SLC25A48: variants seen among roughly 807,000 people sequenced by gnomAD.
SLC25A48 encodes CTC-321K16.1.
In SLC25A48, 29 loss-of-function variants were observed where a neutral mutation model predicts 32.2. That is an observed-to-expected ratio of 0.90 (90% CI 0.67 to 1.23). The LOEUF is 1.23. SLC25A48 is among the 50% of genes most tolerant of loss of function. The probability of loss-of-function intolerance (pLI) is 0.00; values close to 1 mark genes in which losing one functional copy is unlikely to be tolerated. For synonymous variants in SLC25A48, 164 were observed against 172.3 expected (o/e 0.95, Z 0.38); for missense variants, 399 against 422.7 (o/e 0.94, Z 0.49).
At chr5:135,653,149 A>G (rs1753157619) in intron 3 of SLC25A48, among the ~76,000 whole-genome samples, 2 of 152,182 alleles carry the variant, frequency 1.3e-5, no homozygotes, top group South Asian at 4.1e-4. Context: ...AGCCTCTAGA[A>G]CTGTGAGAAA....
chr5:135,589,488 C>T (rs1400806299), intron 1 of SLC25A48, among the ~76,000 whole-genome samples: 2 of 152,144 alleles, frequency 1.3e-5, no homozygotes, highest in South Asian at 2.1e-4. Context: ...GCTGAAGGGC[C>T]AAGGCCCTGA....
intron 3 of SLC25A48, among the ~76,000 whole-genome samples, chr5:135,746,051 C>T (rs947347211): frequency 6.6e-6 from 1 of 152,156 alleles, no homozygotes; most frequent in Non-Finnish European, 1.5e-5. Context: ...TACAGTCCTC[C>T]TCCCTGTCAC....
At chr5:135,836,359 T>C (rs1442890071) in intron 1 of SLC25A48, among the ~76,000 whole-genome samples, 1 of 11,664 alleles carries the variant, frequency 8.6e-5, no homozygotes, top group Non-Finnish European at 4.4e-4. Flanking sequence ...ATAACATGGC[T>C]TTTTTTTTTT....
intron 4 of SLC25A48, among the ~76,000 whole-genome samples, chr5:135,820,768 G>C (rs1293332696): frequency 1.3e-5 from 2 of 152,148 alleles, no homozygotes; most frequent in Non-Finnish European, 2.9e-5. Flanking sequence ...AAAATAAGAG[G>C]CTTATCTATT....
At chr5:135,703,080 T>C (rs761274181) in intron 3 of SLC25A48, among the ~76,000 whole-genome samples, 1 of 152,198 alleles carries the variant, frequency 6.6e-6, no homozygotes, top group South Asian at 2.1e-4. Flanking sequence ...TGCCATTCAC[T>C]GTGAGCAGTG....
At chr5:135,875,579 T>C (rs1220350114) in intron 6 of SLC25A48, 1 of 152,248 alleles carries the variant, frequency 6.6e-6, no homozygotes, top group East Asian at 1.9e-4. Context: ...TCCGATTTGA[T>C]GAAGGCTTCT....
chr5:135,864,822 T>G (rs1453026437), intron 4 of SLC25A48, among the ~76,000 whole-genome samples: 1 of 152,246 alleles, frequency 6.6e-6, no homozygotes, highest in Non-Finnish European at 1.5e-5. Context: ...TTAAAGCAAT[T>G]GACAACAGCA....
upstream of SLC25A48, among the ~76,000 whole-genome samples, chr5:135,834,249 C>G (rs1246964943): frequency 6.6e-6 from 1 of 152,164 alleles, no homozygotes; most frequent in Non-Finnish European, 1.5e-5. Flanking sequence ...GAGCTGGGCC[C>G]CTAGAGAGCT....
chr5:135,797,184 C>T (rs1045611826), intron 3 of SLC25A48, among the ~76,000 whole-genome samples: 2 of 151,854 alleles, frequency 1.3e-5, no homozygotes, highest in African/African-American at 2.4e-5. Flanking sequence ...GATAATACTC[C>T]CAATATCGCA....
exon 4 of SLC25A48, chr5:135,812,645 A>G (rs958816130): frequency 3.9e-5 from 6 of 152,266 alleles, no homozygotes; most frequent in Admixed American, 6.5e-5. Flanking sequence ...CTTATCTGCG[A>G]TGTCTTTCTC....
At chr5:135,616,085 A>G (rs1461780796) in intron 1 of SLC25A48, among the ~76,000 whole-genome samples, 1 of 152,202 alleles carries the variant, frequency 6.6e-6, no homozygotes, top group East Asian at 1.9e-4. Flanking sequence ...CTGAAGATGT[A>G]TGGAAAAGCC....
At chr5:135,790,782 C>T (rs1161848221) in intron 3 of SLC25A48, among the ~76,000 whole-genome samples, 1 of 149,876 alleles carries the variant, frequency 6.7e-6, no homozygotes, top group African/African-American at 2.5e-5. Flanking sequence ...GTATGTACAC[C>T]CTGTGATATT....
chr5:135,758,463 T>G (rs908898470), intron 3 of SLC25A48, among the ~76,000 whole-genome samples: 13 of 150,938 alleles, frequency 8.6e-5, no homozygotes, highest in African/African-American at 3.1e-4. Flanking sequence ...GAATATGATC[T>G]CTATGATATC....
chr5:135,745,956 C>T (rs760518678), intron 3 of SLC25A48, among the ~76,000 whole-genome samples: 5 of 152,050 alleles, frequency 3.3e-5, no homozygotes, highest in South Asian at 2.1e-4. Flanking sequence ...ACTTCTGTCC[C>T]GGATCCTCTT....
chr5:135,642,269 A>G lies in SLC25A48; in HGVS notation c.-521+7313A>G, dbSNP rs1490462408. 3.3e-5 allele frequency among the ~76,000 whole-genome samples: 5 copies of G among 152,376 alleles called. No individual in the cohort carries two copies. In the East Asian group the frequency reaches 9.6e-4, roughly 29 times the overall value. On this transcript the variant is annotated intron_variant, in intron 3 of 10. Transcript: ENST00000646290. ...TCTGATGGTGCTGATTACTAGGGCC[A>G]GATGGCTGCTTTTAAGGCAAAGGTA... is the stretch of plus-strand genomic sequence containing the variant.
chr5:135,715,243 G>A (rs767417546), intron 3 of SLC25A48, among the ~76,000 whole-genome samples: 8 of 152,234 alleles, frequency 5.3e-5, no homozygotes, highest in African/African-American at 1.4e-4. Flanking sequence ...TGGGTTCCTT[G>A]TCTAGGCTGG....
At chr5:135,810,336 G>A (rs919636116) in intron 3 of SLC25A48, among the ~76,000 whole-genome samples, 17 of 152,262 alleles carry the variant, frequency 1.1e-4, no homozygotes, top group Middle Eastern at 3.4e-3. Flanking sequence ...CCTAATCTGT[G>A]GATTGTGAAA....
chr5:135,824,994 T>C lies in SLC25A48; in HGVS notation c.-117+12068T>C, dbSNP rs184410007. 7.6e-4 allele frequency: 115 copies of C among 152,306 alleles called. 1 individual carries two copies. The highest frequency in any genetic ancestry group is 3.4e-3 in the Middle Eastern group (1 of 294). The allele number at this position is 152,306 out of a possible 1,614,324, so 9.4% of individuals were successfully genotyped here. A position where few individuals can be genotyped will look rare whatever the true frequency, so the allele number is the denominator to read the frequency against. ...GAGCACAGACACTGCAGGAAGACTG[T>C]CCTGTTCAAGCCCAGCTTGACCACC... is the stretch of plus-strand genomic sequence containing the variant. On this transcript the variant is annotated intron_variant, in intron 4 of 10. Coordinates refer to the SLC25A48 transcript ENST00000646290.
chr5:135,691,812 G>C (rs1754148935), intron 3 of SLC25A48, among the ~76,000 whole-genome samples: 1 of 152,184 alleles, frequency 6.6e-6, no homozygotes, highest in African/African-American at 2.4e-5. Flanking sequence ...AGTGAGATTA[G>C]GTAGATGAGT....
Sources: allele counts gnomAD v4.1 joint callset (sites outside exome capture counted in the v4.1 genomes callset), GRCh38; gene constraint gnomAD v4.1.1; transcripts MANE v1.5; gene names NCBI Gene and HGNC (gene_info 2026-07-23, HGNC 2026-07-21).